Variants in KIR3DL3 observed in about 807,000 individuals in gnomAD.
The protein encoded by KIR3DL3 is killer cell immunoglobulin-like receptor 3DL3.
KIR3DL3 carries 27 observed loss-of-function variants against 34.9 expected under a neutral mutation model. That is an observed-to-expected ratio of 0.77 (90% CI 0.57 to 1.07). KIR3DL3 has a LOEUF of 1.07. Ranked by LOEUF, KIR3DL3 falls within the 50% of genes least tolerant of loss-of-function variation. The pLI, the probability that KIR3DL3 is intolerant of heterozygous loss-of-function variation, is 0.00. For synonymous variants in KIR3DL3, 217 were observed against 200.2 expected, an observed-to-expected ratio of 1.08 and a Z score of -0.71; for missense variants, 681 against 528.5, an observed-to-expected ratio of 1.29 and a Z score of -2.83.
chr19:54,726,554 G>A (rs2068208764), intron 3 of KIR3DL3, among the ~76,000 whole-genome samples: 1 of 145,910 alleles, frequency 6.9e-6, no homozygotes, highest in Non-Finnish European at 1.5e-5. Context: ...TTATGTTATA[G>A]GGCAGGGGAC....
chr19:54,731,142 G>A (rs1391814870), intron 5 of KIR3DL3, among the ~76,000 whole-genome samples: 8 of 151,836 alleles, frequency 5.3e-5, no homozygotes, highest in African/African-American at 1.7e-4. Context: ...AAGTAGCTGG[G>A]TTACTGGCTC....
At chr19:54,734,910 G>A (rs367576160) in intron 5 of KIR3DL3, among the ~76,000 whole-genome samples, 1,146 of 114,352 alleles carry the variant, frequency 0.01, no homozygotes, top group South Asian at 0.028. Flanking sequence ...TAATAGAGGG[G>A]GAACTTGCTA....
intron 4 of KIR3DL3, among the ~76,000 whole-genome samples, chr19:54,728,420 G>C (rs1385343305): frequency 2.0e-5 from 3 of 147,978 alleles, no homozygotes; most frequent in Non-Finnish European, 4.5e-5. Flanking sequence ...CATGGCCCCA[G>C]GTGAGGGAGC....
At position 54,735,326 on chromosome 19, in the gene KIR3DL3, T is replaced by C. The variant is rs1174432590; in HGVS notation, c.1023T>C (p.Phe341=). The change falls in exon 6 of 8, where the codon TTT becomes TTC. Residue 341 remains phenylalanine, a synonymous_variant. Transcript: ENST00000291860. ...TCCCCTTTGCTATCCTCCTCTTCTTTCTCCTTCATCGCTGGTGTGCCAACA... is the reference window on the plus strand; with the variant it reads ...TCCCCTTTGCTATCCTCCTCTTCTTCCTCCTTCATCGCTGGTGTGCCAACA... ...VIIPFAILLF[F]LLHRWCANKK... The C allele has an allele frequency of 2.7e-6, 4 of 1,466,112 alleles. No homozygotes were observed. The highest frequency in any genetic ancestry group is 1.4e-5 in the African/African-American group (1 of 69,530). 90.8% of individuals were successfully genotyped at this position (1,466,112 alleles called of 1,614,324 possible).
At position 54,724,496 on chromosome 19, in the gene KIR3DL3, C is replaced by A. The variant is rs936588474; in HGVS notation, c.-1C>A. On this transcript the variant is annotated 5_prime_UTR_variant, in exon 1 of 8. Transcript: ENST00000291860. ...AGCCGCCTGTCTGCACCGGCAGCAC[C>A]ATGTCGCTCATGGTCGTCAGCATGG... 112 of 1,613,246 alleles carry A rather than the reference C, an allele frequency of 6.9e-5. No homozygotes were observed. The East Asian group carries it at 2.2e-3, about 31-fold the overall frequency.
In KIR3DL3 at chr19:54,736,050, G is replaced by A. The variant is rs549649199; in HGVS notation, c.1187G>A (p.Arg396His). The A allele has an allele frequency of 6.1e-5, 99 of 1,613,234 alleles. No individual in the cohort carries two copies. The highest frequency in any genetic ancestry group is 7.0e-5 in the Non-Finnish European group (83 of 1,179,928). The change falls in exon 8 of 8, where the codon CGC (arginine) becomes CAC (histidine). Residue 396 changes from arginine (R) to histidine (H), a missense_variant. Arg to His is a conservative substitution (Grantham distance 29). Transcript: ENST00000291860. ...HCVFTQRKITRPSQRPKTPPT... is the reference protein window; with the variant it reads ...HCVFTQRKITHPSQRPKTPPT... Reference sequence around the variant, plus strand: ...GTTTTCACACAGAGAAAAATCACTCGCCCTTCTCAGAGGCCCAAGACACCC... The same window carrying A: ...GTTTTCACACAGAGAAAAATCACTCACCCTTCTCAGAGGCCCAAGACACCC...
chr19:54,726,456 G>T, intron 3 of KIR3DL3, 119 bp downstream of exon 3: 1 of 1,300,610 alleles, frequency 7.7e-7, no homozygotes, highest in South Asian at 1.4e-5. Context: ...GGTAAAGGGG[G>T]ATTCAGTACA....
chr19:54,735,192 G>A, intron 5 of KIR3DL3, 61 bp from the exon 6 acceptor site: 1 of 1,249,996 alleles, frequency 8.0e-7, no homozygotes, highest in Non-Finnish European at 1.2e-6. Flanking sequence ...AGAAATGTGA[G>A]ACAATTCATA....
intron 5 of KIR3DL3, among the ~76,000 whole-genome samples, chr19:54,730,780 T>A (rs2068709248): frequency 6.6e-6 from 1 of 152,168 alleles, no homozygotes; most frequent in African/African-American, 2.4e-5. Context: ...TTTCTATGGA[T>A]GAGTTGTCCC....
chr19:54,729,215 A>C (rs886084648), intron 4 of KIR3DL3, among the ~76,000 whole-genome samples: 2 of 151,420 alleles, frequency 1.3e-5, no homozygotes, highest in Non-Finnish European at 2.9e-5. Flanking sequence ...GAATTAAAGA[A>C]AGAGGAAGAT....
chr19:54,726,345 G>C lies in KIR3DL3; in HGVS notation c.355+8G>C, dbSNP rs747236910. On this transcript the variant is annotated splice_region_variant and intron_variant, in intron 3 of 7. Coordinates refer to ENST00000291860, the MANE Select transcript of KIR3DL3 (RefSeq NM_153443.5). ...TGGTGATCATGGTCACAGGTCAGAG[G>C]CTTTCTGTCTGGGCTTCTCACTGTC... 3.1e-6 allele frequency: 5 copies of C among 1,611,542 alleles called. No individual in the cohort carries two copies. In the Admixed American group the frequency reaches 5.0e-5, roughly 16 times the overall value.
intron 5 of KIR3DL3, among the ~76,000 whole-genome samples, chr19:54,733,217 C>T (rs1208011810): frequency 1.3e-5 from 2 of 151,942 alleles, no homozygotes; most frequent in Non-Finnish European, 2.9e-5. Context: ...AGGGGTGGTG[C>T]AAATGAAGGG....
intron 4 of KIR3DL3, among the ~76,000 whole-genome samples, chr19:54,728,125 G>A (rs2068406341): frequency 6.6e-6 from 1 of 151,566 alleles, no homozygotes; most frequent in African/African-American, 2.4e-5. Context: ...GGCCATACAA[G>A]GTGTTAGAAA....
intron 3 of KIR3DL3, among the ~76,000 whole-genome samples, chr19:54,727,050 G>T (rs113582651): frequency 0.037 from 5,084 of 136,312 alleles, 116 homozygotes; most frequent in South Asian, 0.075. Context: ...AGCATGGGTG[G>T]GATACTGATG....
At chr19:54,729,445 T>C in intron 4 of KIR3DL3, 48 bp from the exon 5 acceptor site, 1 of 1,441,408 alleles carries the variant, frequency 6.9e-7, no homozygotes, top group South Asian at 1.3e-5. Flanking sequence ...TGAGGAGAGC[T>C]GTGACAAGGA....
rs1455302500 is a variant in KIR3DL3 at position 54,725,966 on chromosome 19, C to T, written c.71-87C>T. The T allele has an allele frequency of 1.3e-5, 14 of 1,086,728 alleles. No individual in the cohort carries two copies. In the Admixed American group the frequency reaches 1.8e-4, roughly 14 times the overall value. 67.3% of individuals were successfully genotyped at this position (1,086,728 alleles called of 1,614,324 possible). ...CCAGGTGTGGTAGGAGCCTTAGAAA[C>T]GTGGAAATGGGAGAATCTTCTGAGC... On this transcript the variant is annotated intron_variant, in intron 2 of 7. Transcript: ENST00000291860.
intron 3 of KIR3DL3, among the ~76,000 whole-genome samples, chr19:54,726,597 A>G (rs62131756): frequency 0.38 from 49,099 of 128,724 alleles, 10,394 homozygotes; most frequent in Non-Finnish European, 0.48. Context: ...GTTGTTGATG[A>G]GTTGACCTTG....
intron 1 of KIR3DL3, among the ~76,000 whole-genome samples, 182 bp from the exon 2 acceptor site, chr19:54,725,065 C>T (rs1420418301): frequency 3.5e-5 from 4 of 113,508 alleles, no homozygotes; most frequent in African/African-American, 6.9e-5. Context: ...AGATATAGGA[C>T]GGAGGTGGAG....
chr19:54,726,833 G>A (rs1480597445), intron 3 of KIR3DL3, among the ~76,000 whole-genome samples: 2 of 128,636 alleles, frequency 1.6e-5, no homozygotes, highest in Non-Finnish European at 3.4e-5. Context: ...GTCTCCAGAG[G>A]AAACACAGCC....
Sources: allele counts gnomAD v4.1 joint callset (sites outside exome capture counted in the v4.1 genomes callset), GRCh38; gene constraint gnomAD v4.1.1; transcripts MANE v1.5; gene names NCBI Gene and HGNC (gene_info 2026-07-23, HGNC 2026-07-21).